CHD9: variants seen among roughly 807,000 people sequenced by gnomAD.
CHD9 encodes the protein chromodomain helicase DNA binding protein 9.
In CHD9, 77 loss-of-function variants were observed where a neutral mutation model predicts 316.1. That is an observed-to-expected ratio of 0.24 (90% CI 0.20 to 0.29). The LOEUF (loss-of-function observed/expected upper bound fraction) is 0.29, where lower values mean the gene tolerates loss of function less well. Among genes scored for constraint, CHD9 ranks in the 10% least tolerant of loss-of-function variants. CHD9 has a pLI of 1.00. For synonymous variants in CHD9, 1,129 were observed against 1,158.3 expected (o/e 0.97, Z 0.51); for missense variants, 2,763 against 3,438.1 (o/e 0.80, Z 4.91).
intron 2 of CHD9, among the ~76,000 whole-genome samples, chr16:53,198,872 CCTATAGATAAGT>C (rs2045191547): frequency 6.6e-6 from 1 of 152,052 alleles, no homozygotes; most frequent in Non-Finnish European, 1.5e-5. Flanking sequence ...GTTCAGATTT[CCTATAGATAAGT>C]CTTTGATAGC....
intron 3 of CHD9, among the ~76,000 whole-genome samples, chr16:53,210,823 G>A (rs1171279489): frequency 6.6e-6 from 1 of 152,000 alleles, no homozygotes. Context: ...AAATTATTTA[G>A]TTTGGTCCTT....
In CHD9 at chr16:53,226,453, A is replaced by G. The variant is rs200018633; in HGVS notation, c.1984A>G (p.Met662Val). 1.5e-4 allele frequency: 246 copies of G among 1,607,614 alleles called. No individual in the cohort carries two copies. The African/African-American group carries it at 3.1e-3, about 20-fold the overall frequency. The change falls in exon 5 of 39, where the codon ATG (methionine) becomes GTG (valine). Residue 662 changes from methionine to valine, a missense_variant. Physicochemically the swap from Met to Val is conservative, Grantham distance 21. This residue lies in a region of CHD9 where 859 missense variants were observed against 890.4 expected (regional missense o/e 0.96). Coordinates refer to ENST00000447540, the MANE Select transcript of CHD9 (RefSeq NM_001308319.2). ...ATCTGAAGAAGAGGTTAAAGGTTCT[A>G]TGAAAATAAAAAAGAATTCAGCTCC... ...KQSEEEVKGS[M>V]KIKKNSAPLP...
chr16:53,130,538 C>A lies in CHD9; in HGVS notation c.-164-25388C>A, dbSNP rs1335742171. On this transcript the variant is annotated intron_variant, in intron 1 of 38. Transcript: ENST00000447540. The stretch of plus-strand genomic sequence containing the variant: ...TGAGGGCGCGGCCTGACGTGGCGGC[C>A]GCGGCGGGGCTGCCGGGGGAGCCCG... Among the ~76,000 whole-genome samples the A allele has an allele frequency of 8.0e-5, 12 of 149,190 alleles. 1 individual carries two copies. The highest frequency in any genetic ancestry group is 1.5e-4 in the Non-Finnish European group (10 of 66,860).
At chr16:53,277,021 T>C (rs2052907959) in intron 24 of CHD9, among the ~76,000 whole-genome samples, 1 of 152,144 alleles carries the variant, frequency 6.6e-6, no homozygotes, top group Admixed American at 6.6e-5. Flanking sequence ...ATGCATGAAT[T>C]TCTGGAAAGA....
chr16:53,183,414 A>T (rs745938341), intron 2 of CHD9, among the ~76,000 whole-genome samples: 1 of 152,162 alleles, frequency 6.6e-6, no homozygotes, highest in African/African-American at 2.4e-5. Flanking sequence ...TAGGAGAGAA[A>T]GGGGAAGGAA....
At chr16:53,317,629 G>T (rs2153107801) in intron 36 of CHD9, among the ~76,000 whole-genome samples, 1 of 152,220 alleles carries the variant, frequency 6.6e-6, no homozygotes, top group East Asian at 1.9e-4. Context: ...AAATACCTGG[G>T]ACTGTAGGCG....
chr16:53,159,174 C>G (rs2042027), intron 2 of CHD9, among the ~76,000 whole-genome samples: 1 of 152,028 alleles, frequency 6.6e-6, no homozygotes, highest in Non-Finnish European at 1.5e-5. Context: ...CCCAGCTACT[C>G]AAGAGGCTGA....
rs541131636 is a variant in CHD9, at chr16:53,227,620, G to C, written c.2168+17G>C. 7.5e-5 allele frequency: 64 copies of C among 855,812 alleles called. No individual in the cohort carries two copies. The South Asian group carries it at 9.9e-4, about 13-fold the overall frequency. 53.0% of individuals were successfully genotyped at this position (855,812 alleles called of 1,614,324 possible). A position where few individuals can be genotyped will look rare whatever the true frequency, so the allele number is the denominator to read the frequency against. On this transcript the variant is annotated intron_variant, in intron 7 of 38. Transcript: ENST00000447540. ...CAAGAATTAGTAAGTATTTGAGTTAGAAAAATAAAAGAAAGATGTTGATTT... is the reference window on the plus strand; with the variant it reads ...CAAGAATTAGTAAGTATTTGAGTTACAAAAATAAAAGAAAGATGTTGATTT...
At chr16:53,098,297 G>A (rs2036548222) in intron 1 of CHD9, among the ~76,000 whole-genome samples, 1 of 152,042 alleles carries the variant, frequency 6.6e-6, no homozygotes, top group South Asian at 2.1e-4. Flanking sequence ...CCAACATGGT[G>A]AAACCTCGTC....
At chr16:53,211,102 G>T (rs1031660456) in intron 3 of CHD9, among the ~76,000 whole-genome samples, 2 of 151,956 alleles carry the variant, frequency 1.3e-5, no homozygotes, top group African/African-American at 4.8e-5. Context: ...AACTTGTTCA[G>T]AGATCTAGAC....
chr16:53,172,269 A>G (rs184335574), intron 2 of CHD9, among the ~76,000 whole-genome samples: 2 of 152,190 alleles, frequency 1.3e-5, no homozygotes, highest in African/African-American at 4.8e-5. Flanking sequence ...GAATTTATAT[A>G]TAAATGGATT....
intron 11 of CHD9, among the ~76,000 whole-genome samples, 167 bp from the exon 12 acceptor site, chr16:53,238,176 G>A (rs1245443354): frequency 1.3e-5 from 2 of 151,904 alleles, no homozygotes; most frequent in East Asian, 1.9e-4. Context: ...TGCCTTTGCA[G>A]GTTTATAATA....
chr16:53,279,405 A>G (rs2053192971), intron 24 of CHD9, among the ~76,000 whole-genome samples: 1 of 152,154 alleles, frequency 6.6e-6, no homozygotes, highest in Admixed American at 6.5e-5. Context: ...AGATATACCT[A>G]ATGTAAATGA....
chr16:53,207,774 A>T (rs929131877), intron 2 of CHD9, among the ~76,000 whole-genome samples: 1 of 151,760 alleles, frequency 6.6e-6, no homozygotes, highest in Non-Finnish European at 1.5e-5. Context: ...ACCACAGTTT[A>T]GTTCTCAGGT....
chr16:53,132,971 G>C (rs1230240106), intron 1 of CHD9, among the ~76,000 whole-genome samples: 1 of 151,770 alleles, frequency 6.6e-6, no homozygotes, highest in Non-Finnish European at 1.5e-5. Context: ...ACCACGCCCG[G>C]CCGTTTCTTC....
chr16:53,126,586 CT>C (rs200069064), intron 1 of CHD9, among the ~76,000 whole-genome samples: 14,551 of 117,492 alleles, frequency 0.12, 623 homozygotes, highest in South Asian at 0.22. Flanking sequence ...TTTCAGGATC[CT>C]TTTTTTTTTT....
Position 53,245,339 on chromosome 16 carries a change from C to A in CHD9, c.3058C>A (p.His1020Asn). 6.6e-7 allele frequency: 1 copy of A among 1,525,262 alleles called. No individual in the cohort carries two copies. Among genetic ancestry groups the A allele is most frequent in the Non-Finnish European group, 8.8e-7 (1 of 1,138,842 alleles). The allele number at this position is 1,525,262 out of a possible 1,614,324, so 94.5% of individuals were successfully genotyped here. A position where few individuals can be genotyped will look rare whatever the true frequency, so the allele number is the denominator to read the frequency against. The stretch of plus-strand genomic sequence containing the variant: ...GAATTGTTCTCACTTTTTGTAGGAA[C>A]ACAAGGTGCTTTTGACTGGCACCCC... ...LEGLKLMNLE[H>N]KVLLTGTPLQ... is the part of the protein sequence containing the mutation. The change falls in exon 14 of 39, where the codon CAC (histidine) becomes AAC (asparagine). Residue 1020 changes from histidine (H) to asparagine (N), a missense_variant. By Grantham distance (68) the His-to-Asn change is moderately conservative. Transcript: ENST00000447540. This position sits in a 1 kb window ranked among gnomAD's most constrained non-coding sequence, Gnocchi z 4.1.
intron 1 of CHD9, among the ~76,000 whole-genome samples, chr16:53,146,492 G>C (rs1260108228): frequency 7.1e-6 from 1 of 141,766 alleles, no homozygotes. Context: ...TAACACTACC[G>C]AACTGTATAC....
At chr16:53,186,198 C>T (rs1420321110) in intron 2 of CHD9, among the ~76,000 whole-genome samples, 1 of 152,194 alleles carries the variant, frequency 6.6e-6, no homozygotes, top group East Asian at 1.9e-4. Flanking sequence ...GTCTGCAAAG[C>T]CACAGGGATG....
Sources: allele counts gnomAD v4.1 joint callset (sites outside exome capture counted in the v4.1 genomes callset), GRCh38; gene constraint gnomAD v4.1.1; regional missense constraint gnomAD v4.1.1; non-coding constraint Gnocchi (gnomAD v3.1); transcripts MANE v1.5; gene names NCBI Gene and HGNC (gene_info 2026-07-23, HGNC 2026-07-21).